Variants in KIRREL3 observed in about 807,000 individuals in gnomAD.
KIRREL3 encodes kirre like nephrin family adhesion molecule 3.
A neutral mutation model predicts 89.7 loss-of-function variants in KIRREL3; 36 were observed. That is an observed-to-expected ratio of 0.40 (90% confidence interval 0.31 to 0.53). KIRREL3 has a LOEUF of 0.53. Among genes scored for constraint, KIRREL3 ranks in the 20% least tolerant of loss-of-function variants. The pLI is 0.49. For missense variants in KIRREL3, 864 were observed against 1,056.6 expected, an observed-to-expected ratio of 0.82 and a Z score of 2.53; for synonymous variants, 445 against 441.4, an observed-to-expected ratio of 1.01 and a Z score of -0.10.
Position 126,924,917 on chromosome 11 carries a change from G to A in KIRREL3, c.55+75538C>T, listed in dbSNP as rs1730907994. ...ACTGTGGCTCTGTGTATGTGTGTGT[G>A]TGTACATGCTTATGTGTGTGTGTGT... On this transcript the variant is annotated intron_variant, in intron 1 of 16. Coordinates refer to ENST00000525144, the MANE Select transcript of KIRREL3 (RefSeq NM_032531.4). This position sits in a 1 kb window ranked among gnomAD's most constrained non-coding sequence, Gnocchi z 4.7. 6.6e-6 allele frequency among the ~76,000 whole-genome samples: 1 copy of A among 151,712 alleles called. No homozygotes were observed. Among genetic ancestry groups the A allele is most frequent in the Non-Finnish European group, 1.5e-5 (1 of 67,990 alleles).
chr11:126,877,411 G>T lies in KIRREL3; in HGVS notation c.55+123044C>A, dbSNP rs1483045566. On this transcript the variant is annotated intron_variant, in intron 1 of 16. Coordinates refer to ENST00000525144, the MANE Select transcript of KIRREL3 (RefSeq NM_032531.4). This position sits in a 1 kb window ranked among gnomAD's most constrained non-coding sequence, Gnocchi z 4.9. ...ACGGGGCAGAGGAAGTAGATCATTTGGTCTCTGAAACCCAAGCAGTCTGTA... is the reference window on the plus strand; with the variant it reads ...ACGGGGCAGAGGAAGTAGATCATTTTGTCTCTGAAACCCAAGCAGTCTGTA... Among the ~76,000 whole-genome samples, 1 of 152,196 alleles carries T rather than the reference G, an allele frequency of 6.6e-6. No homozygotes were observed. The highest frequency in any genetic ancestry group is 6.5e-5 in the Admixed American group (1 of 15,276).
intron 2 of KIRREL3, among the ~76,000 whole-genome samples, chr11:126,545,944 T>G (rs1938782371): frequency 6.6e-6 from 1 of 152,260 alleles, no homozygotes; most frequent in Non-Finnish European, 1.5e-5. Flanking sequence ...CTCTGCTATT[T>G]CCTAGCTGTG....
At position 126,519,171 on chromosome 11, in the gene KIRREL3, G is replaced by A. The variant is rs935708763; in HGVS notation, c.433+2144C>T. Among the ~76,000 whole-genome samples, 1 of 152,208 alleles carries A rather than the reference G, an allele frequency of 6.6e-6. No individual in the cohort carries two copies. Among genetic ancestry groups the A allele is most frequent in the Non-Finnish European group, 1.5e-5 (1 of 68,042 alleles). On this transcript the variant is annotated intron_variant, in intron 4 of 16. Coordinates refer to ENST00000525144, the MANE Select transcript of KIRREL3 (RefSeq NM_032531.4). The surrounding 1 kb of genome is among the most constrained non-coding windows in gnomAD (Gnocchi z 4.3). ...GAGGGCGGTGTCAGGCCATGCCACC[G>A]GAGAGGAAGGGGGAGCGAATGCCTT...
intron 1 of KIRREL3, among the ~76,000 whole-genome samples, chr11:126,820,701 A>G (rs1438502057): frequency 6.6e-6 from 1 of 152,072 alleles, no homozygotes; most frequent in African/African-American, 2.4e-5. Context: ...AGGCACAAGC[A>G]GAGTCTCAGC....
intron 1 of KIRREL3, among the ~76,000 whole-genome samples, chr11:126,631,113 CTGTA>C (rs148372556): frequency 0.025 from 2,441 of 97,172 alleles, 31 homozygotes; most frequent in East Asian, 0.038. Flanking sequence ...TGCAATCAGT[CTGTA>C]TGTATGTATT....
intron 1 of KIRREL3, among the ~76,000 whole-genome samples, chr11:126,865,345 G>T (rs1944883758): frequency 1.3e-5 from 2 of 152,266 alleles, no homozygotes; most frequent in South Asian, 4.1e-4. Flanking sequence ...ATGTGCAAGA[G>T]GCGGCTGCTC....
At position 126,953,635 on chromosome 11, in the gene KIRREL3, C is replaced by T. The variant is rs201766584; in HGVS notation, c.55+46820G>A. ...GAGATAGAGAGACAGAGAGAGAGAA[C>T]GACCAAGTACGATGACAAGATAAAA... is the stretch of plus-strand genomic sequence containing the variant. On this transcript the variant is annotated intron_variant, in intron 1 of 16. Transcript: ENST00000525144. The surrounding 1 kb of genome is among the most constrained non-coding windows in gnomAD (Gnocchi z 5.2). Among the ~76,000 whole-genome samples the T allele has an allele frequency of 1.0e-5, 1 of 99,330 alleles. No homozygotes were observed. The highest frequency in any genetic ancestry group is 2.1e-5 in the Non-Finnish European group (1 of 47,164). The allele number at this position is 99,330 out of a possible 152,430, so 65.2% of individuals were successfully genotyped here.
In KIRREL3 at chr11:126,530,440, G is replaced by A. The variant is rs1958906044; in HGVS notation, c.134-3753C>T. On this transcript the variant is annotated intron_variant, in intron 2 of 16. Transcript: ENST00000525144. This position sits in a 1 kb window ranked among gnomAD's most constrained non-coding sequence, Gnocchi z 5.8. ...TCTACTCCAAAGAAGTGAAATGCAAGTGAGCCCAAGGTCATTTTCTGCAGC... is the reference window on the plus strand; with the variant it reads ...TCTACTCCAAAGAAGTGAAATGCAAATGAGCCCAAGGTCATTTTCTGCAGC... 6.6e-6 allele frequency among the ~76,000 whole-genome samples: 1 copy of A among 152,184 alleles called. No homozygotes were observed. The highest frequency in any genetic ancestry group is 6.5e-5 in the Admixed American group (1 of 15,276).
chr11:126,516,582 T>C lies in KIRREL3; in HGVS notation c.433+4733A>G, dbSNP rs1958415817. Among the ~76,000 whole-genome samples the C allele has an allele frequency of 6.6e-6, 1 of 152,212 alleles. No individual in the cohort carries two copies. The highest frequency in any genetic ancestry group is 6.5e-5 in the Admixed American group (1 of 15,278). ...CACGTGTCTAGACTAGTGCTTGGCA[T>C]ATAACAGGTGCTCAGTAAACATTTG... On this transcript the variant is annotated intron_variant, in intron 4 of 16. Coordinates refer to ENST00000525144, the MANE Select transcript of KIRREL3 (RefSeq NM_032531.4). The surrounding 1 kb of genome is among the most constrained non-coding windows in gnomAD (Gnocchi z 4.9).
At chr11:126,435,860 T>C (rs11605349) in intron 12 of KIRREL3, among the ~76,000 whole-genome samples, 13,905 of 152,040 alleles carry the variant, frequency 0.091, 743 homozygotes, top group Middle Eastern at 0.12. Flanking sequence ...GTGTCAGAGA[T>C]CGTCAGGACT....
intron 1 of KIRREL3, among the ~76,000 whole-genome samples, chr11:126,590,722 G>C (rs1029533701): frequency 2.0e-5 from 3 of 152,178 alleles, no homozygotes; most frequent in Non-Finnish European, 4.4e-5. Flanking sequence ...TGTGGGGGCT[G>C]CTGCACCAGG....
chr11:126,976,208 A>G lies in KIRREL3; in HGVS notation c.55+24247T>C, dbSNP rs936268598. On this transcript the variant is annotated intron_variant, in intron 1 of 16. Transcript: ENST00000525144. The surrounding 1 kb of genome is among the most constrained non-coding windows in gnomAD (Gnocchi z 4.2). ...ACACTCCTCCAATTAAGACCCTGCA[A>G]TATACCTGACAGAGGAAAATTTGTT... Among the ~76,000 whole-genome samples, 4 of 152,152 alleles carry G rather than the reference A, an allele frequency of 2.6e-5. No homozygotes were observed. The highest frequency in any genetic ancestry group is 4.4e-5 in the Non-Finnish European group (3 of 68,028).
At chr11:126,567,459 C>T (rs1940597186) in intron 1 of KIRREL3, among the ~76,000 whole-genome samples, 2 of 152,226 alleles carry the variant, frequency 1.3e-5, no homozygotes, top group Non-Finnish European at 2.9e-5. Flanking sequence ...TGTTTAAGCC[C>T]CACAGCTGGT....
Position 126,615,151 on chromosome 11 carries a change from T to A in KIRREL3, c.56-52239A>T, listed in dbSNP as rs563659008. Among the ~76,000 whole-genome samples the A allele has an allele frequency of 2.0e-5, 3 of 152,110 alleles. No homozygotes were observed. The highest frequency in any genetic ancestry group is 2.1e-4 in the South Asian group (1 of 4,824). ...GGTGCATTATGAGGAAGAATTGTAA[T>A]GTAGAGCTGTGCTTCATATTCCCCG... On this transcript the variant is annotated intron_variant, in intron 1 of 16. Coordinates refer to ENST00000525144, the MANE Select transcript of KIRREL3 (RefSeq NM_032531.4). The surrounding 1 kb of genome is among the most constrained non-coding windows in gnomAD (Gnocchi z 5.4).
chr11:126,669,925 C>G lies in KIRREL3; in HGVS notation c.56-107013G>C, dbSNP rs372193521. 2.6e-5 allele frequency among the ~76,000 whole-genome samples: 4 copies of G among 152,180 alleles called. No individual in the cohort carries two copies. The highest frequency in any genetic ancestry group is 2.1e-4 in the South Asian group (1 of 4,832). ...CCCACCCTGCACATCTGTCTCTCTCCCAGTCTTCAGCATGTCAGTGCATTG... is the reference window on the plus strand; with the variant it reads ...CCCACCCTGCACATCTGTCTCTCTCGCAGTCTTCAGCATGTCAGTGCATTG... On this transcript the variant is annotated intron_variant, in intron 1 of 16. Transcript: ENST00000525144. This position sits in a 1 kb window ranked among gnomAD's most constrained non-coding sequence, Gnocchi z 5.0.
rs1274709488 is a variant in KIRREL3 at position 126,566,694 on chromosome 11, T to A, written c.56-3782A>T. ...TTAAATGGGATGGGTTTTCTTCCATTTCAGAGGGTGCAGATGGGATGTTTT... is the reference window on the plus strand; with the variant it reads ...TTAAATGGGATGGGTTTTCTTCCATATCAGAGGGTGCAGATGGGATGTTTT... On this transcript the variant is annotated intron_variant, in intron 1 of 16. Transcript: ENST00000525144. This position sits in a 1 kb window ranked among gnomAD's most constrained non-coding sequence, Gnocchi z 4.9. Among the ~76,000 whole-genome samples, 1 of 152,182 alleles carries A rather than the reference T, an allele frequency of 6.6e-6. No homozygotes were observed. The highest frequency in any genetic ancestry group is 2.4e-5 in the African/African-American group (1 of 41,438).
intron 1 of KIRREL3, among the ~76,000 whole-genome samples, chr11:126,937,444 T>G (rs1948239514): frequency 1.3e-5 from 2 of 152,218 alleles, no homozygotes; most frequent in Non-Finnish European, 2.9e-5. Flanking sequence ...CGCTCTTGGT[T>G]GACAGGCCCC....
At chr11:126,820,380 C>T (rs773419417) in intron 1 of KIRREL3, among the ~76,000 whole-genome samples, 6 of 152,046 alleles carry the variant, frequency 3.9e-5, no homozygotes, top group Non-Finnish European at 7.4e-5. Context: ...AAAAGATACA[C>T]GCATAGAAGA....
rs958185645 is a variant in KIRREL3 at position 126,455,890 on chromosome 11, G to C, written c.848+459C>G. Reference sequence around the variant, plus strand: ...TGAGCAAGAGACACACAGGGGCCATGAGTAAGTGTGATCCCGGATGCTCAC... The same window carrying C: ...TGAGCAAGAGACACACAGGGGCCATCAGTAAGTGTGATCCCGGATGCTCAC... On this transcript the variant is annotated intron_variant, in intron 7 of 16. Transcript: ENST00000525144. The surrounding 1 kb of genome is among the most constrained non-coding windows in gnomAD (Gnocchi z 6.4). Among the ~76,000 whole-genome samples, 1 of 152,062 alleles carries C rather than the reference G, an allele frequency of 6.6e-6. No homozygotes were observed. Among genetic ancestry groups the C allele is most frequent in the African/African-American group, 2.4e-5 (1 of 41,398 alleles).
Sources: allele counts gnomAD v4.1 joint callset (sites outside exome capture counted in the v4.1 genomes callset), GRCh38; gene constraint gnomAD v4.1.1; non-coding constraint Gnocchi (gnomAD v3.1); transcripts MANE v1.5; gene names NCBI Gene and HGNC (gene_info 2026-07-23, HGNC 2026-07-21).